Variants in GTSE1 observed in about 807,000 individuals in gnomAD.
The protein encoded by GTSE1 is G2 and S phase-expressed protein 1.
A neutral mutation model predicts 60.5 loss-of-function variants in GTSE1; 52 were observed. The ratio of observed to expected loss-of-function variants is 0.86; its 90% CI spans 0.69 to 1.08. GTSE1 has a LOEUF of 1.08. GTSE1 is among the 50% of genes least tolerant of loss of function. The pLI is 0.00. For missense variants in GTSE1, 937 were observed against 961.8 expected (o/e 0.97, Z 0.34); for synonymous variants, 368 against 386.5 (o/e 0.95, Z 0.56).
chr22:46,323,785 T>G (rs2077827890), intron 8 of GTSE1, among the ~76,000 whole-genome samples: 1 of 152,178 alleles, frequency 6.6e-6, no homozygotes, highest in Admixed American at 6.5e-5. Context: ...CCTCCCGGGT[T>G]CACGCCATTC....
At position 46,314,846 on chromosome 22, in the gene GTSE1, G is replaced by A. The variant is rs1164845089; in HGVS notation, c.1051+833G>A. On this transcript the variant is annotated intron_variant, in intron 6 of 11. Coordinates refer to ENST00000454366, the MANE Select transcript of GTSE1 (RefSeq NM_016426.7). This position sits in a 1 kb window ranked among gnomAD's most constrained non-coding sequence, Gnocchi z 7.1. ...AGCCGAGATTGCATCACTGCACTCC[G>A]TCTCAAAAAAAAAAAAAAAAATGAT... 2.2e-5 allele frequency among the ~76,000 whole-genome samples: 3 copies of A among 135,654 alleles called. No homozygotes were observed. The highest frequency in any genetic ancestry group is 9.2e-5 in the African/African-American group (3 of 32,778). The allele number at this position is 135,654 out of a possible 152,430, so 89.0% of individuals were successfully genotyped here. A position where few individuals can be genotyped will look rare whatever the true frequency, so the allele number is the denominator to read the frequency against.
chr22:46,312,312 T>C lies in GTSE1; in HGVS notation c.927+7T>C, dbSNP rs746132284. 2.5e-6 allele frequency: 4 copies of C among 1,606,210 alleles called. No individual in the cohort carries two copies. The highest frequency in any genetic ancestry group is 2.2e-5 in the South Asian group (2 of 90,152). The stretch of plus-strand genomic sequence containing the variant: ...GATCCCTGTTCCAAACAAGGTGAGT[T>C]GGCTGCTGGGGCCCAAACTTGTGGT... On this transcript the variant is annotated splice_region_variant and intron_variant, in intron 5 of 11. Transcript: ENST00000454366.
rs376081016 is a variant in GTSE1, at chr22:46,330,020, C to T, written c.2137-27C>T. ...GGGAGGCCCTAGCCGGATCCACGCT[C>T]ACCTCCTCCACTCTGCTCTCTTCCA... is the stretch of plus-strand genomic sequence containing the variant. On this transcript the variant is annotated intron_variant, in intron 11 of 11. Coordinates refer to ENST00000454366, the MANE Select transcript of GTSE1 (RefSeq NM_016426.7). This position sits in a 1 kb window ranked among gnomAD's most constrained non-coding sequence, Gnocchi z 6.0. The T allele has an allele frequency of 7.0e-6, 10 of 1,436,350 alleles. No individual in the cohort carries two copies. Among genetic ancestry groups the T allele is most frequent in the East Asian group, 6.8e-5 (3 of 44,072 alleles). The allele number at this position is 1,436,350 out of a possible 1,614,324, so 89.0% of individuals were successfully genotyped here.
rs1433032374 is a variant in GTSE1 at position 46,320,185 on chromosome 22, C to A, written c.1433-3005C>A. On this transcript the variant is annotated intron_variant, in intron 7 of 11. Coordinates refer to ENST00000454366, the MANE Select transcript of GTSE1 (RefSeq NM_016426.7). This position sits in a 1 kb window ranked among gnomAD's most constrained non-coding sequence, Gnocchi z 7.1. ...GCACAAGTGTTGGCTGGTCTCCTGG[C>A]TGTCGGGCTGCTTGATGCCACAGGA... 6.6e-6 allele frequency among the ~76,000 whole-genome samples: 1 copy of A among 152,144 alleles called. No homozygotes were observed. The highest frequency in any genetic ancestry group is 1.5e-5 in the Non-Finnish European group (1 of 68,034).
Position 46,317,385 on chromosome 22 carries a change from C to T in GTSE1, c.1432+973C>T, listed in dbSNP as rs7291302. Among the ~76,000 whole-genome samples the T allele has an allele frequency of 2.7e-3, 412 of 152,134 alleles. 2 individuals carry two copies. Among genetic ancestry groups the T allele is most frequent in the African/African-American group, 9.5e-3 (395 of 41,494 alleles). ...ACTTTGTTTCTAACATAATAGTTTC[C>T]CCTTATTTCTTCTCATGGTACTTGG... On this transcript the variant is annotated intron_variant, in intron 7 of 11. Transcript: ENST00000454366. This position sits in a 1 kb window ranked among gnomAD's most constrained non-coding sequence, Gnocchi z 5.6.
rs1013999093 is a variant in GTSE1 at position 46,324,443 on chromosome 22, T to C, written c.1505+1181T>C. 6.6e-6 allele frequency among the ~76,000 whole-genome samples: 1 copy of C among 152,054 alleles called. No individual in the cohort carries two copies. Among genetic ancestry groups the C allele is most frequent in the African/African-American group, 2.4e-5 (1 of 41,400 alleles). On this transcript the variant is annotated intron_variant, in intron 8 of 11. Coordinates refer to ENST00000454366, the MANE Select transcript of GTSE1 (RefSeq NM_016426.7). The surrounding 1 kb of genome is among the most constrained non-coding windows in gnomAD (Gnocchi z 5.2). ...AGGGCAGTGGCACGATCTCAGCTCA[T>C]GGTAAGCTCCGCCTCCTGGATTCAC...
chr22:46,316,360 A>C lies in GTSE1; in HGVS notation c.1380A>C (p.Thr460=), dbSNP rs1569043022. 10 of 1,610,516 alleles carry C rather than the reference A, an allele frequency of 6.2e-6. No homozygotes were observed. Among genetic ancestry groups the C allele is most frequent in the Non-Finnish European group, 8.5e-6 (10 of 1,176,746 alleles). ...RRRDSCLNSK[T]KVMPTPTNQF... is the part of the protein sequence containing the mutation. Reference sequence around the variant, plus strand: ...GAGATTCCTGTCTAAATTCCAAGACAAAGGTTATGCCTACTCCTACAAATC... The same window carrying C: ...GAGATTCCTGTCTAAATTCCAAGACCAAGGTTATGCCTACTCCTACAAATC... Residue 460 remains threonine (T), a synonymous_variant, in exon 7 of 12, where the codon ACA becomes ACC. Coordinates refer to ENST00000454366, the MANE Select transcript of GTSE1 (RefSeq NM_016426.7). The surrounding 1 kb of genome is among the most constrained non-coding windows in gnomAD (Gnocchi z 5.0).
rs2077666625 is a variant in GTSE1 at position 46,297,906 on chromosome 22, A to T, written c.79+427A>T. Among the ~76,000 whole-genome samples, 1 of 152,128 alleles carries T rather than the reference A, an allele frequency of 6.6e-6. No homozygotes were observed. Among genetic ancestry groups the T allele is most frequent in the South Asian group, 2.1e-4 (1 of 4,830 alleles). On this transcript the variant is annotated intron_variant, in intron 2 of 11. Transcript: ENST00000454366. The surrounding 1 kb of genome is among the most constrained non-coding windows in gnomAD (Gnocchi z 4.9). ...GGTTTGGGTATCAAGGTGAGGGTAC[A>T]GCTTCACAGAATGAGTTACAGGCCA...
In GTSE1 at chr22:46,297,547, G is replaced by T; in HGVS notation, c.79+68G>T. The T allele has an allele frequency of 9.4e-7, 1 of 1,068,206 alleles. No homozygotes were observed. 66.2% of individuals were successfully genotyped at this position (1,068,206 alleles called of 1,614,324 possible). ...CAGTAGAGATGGAGGGTGATTTAATGTTTCCCTGAGAAATTCTTTCTCAAG... is the reference window on the plus strand; with the variant it reads ...CAGTAGAGATGGAGGGTGATTTAATTTTTCCCTGAGAAATTCTTTCTCAAG... On this transcript the variant is annotated intron_variant, in intron 2 of 11. Coordinates refer to ENST00000454366, the MANE Select transcript of GTSE1 (RefSeq NM_016426.7). The surrounding 1 kb of genome is among the most constrained non-coding windows in gnomAD (Gnocchi z 4.9).
chr22:46,328,105 G>A (rs764245400), intron 9 of GTSE1, among the ~76,000 whole-genome samples: 16 of 152,238 alleles, frequency 1.1e-4, no homozygotes, highest in Non-Finnish European at 1.9e-4. Context: ...TGGGTTTCCG[G>A]AAGGAATTCA....
intron 2 of GTSE1, among the ~76,000 whole-genome samples, chr22:46,306,383 A>G (rs558619119): frequency 1.4e-3 from 212 of 151,542 alleles, no homozygotes; most frequent in African/African-American, 4.3e-3. Context: ...GGGTTTCACC[A>G]TGTTAGCCAG....
intron 8 of GTSE1, 30 bp downstream of exon 8, chr22:46,323,292 T>C: frequency 1.3e-6 from 2 of 1,540,256 alleles, no homozygotes; most frequent in Non-Finnish European, 9.0e-7. Flanking sequence ...TTCCTCTCTT[T>C]ATTGCTGTAG....
Position 46,324,624 on chromosome 22 carries a change from C to G in GTSE1, c.1505+1362C>G, listed in dbSNP as rs540098695. Among the ~76,000 whole-genome samples the G allele has an allele frequency of 1.3e-5, 2 of 152,296 alleles. No homozygotes were observed. The highest frequency in any genetic ancestry group is 4.1e-4 in the South Asian group (2 of 4,830). ...CCTCGTGATCCACCAGCCTTGGCCT[C>G]GCAAAGTGCTGGGATTACAGGTGTG... On this transcript the variant is annotated intron_variant, in intron 8 of 11. Coordinates refer to ENST00000454366, the MANE Select transcript of GTSE1 (RefSeq NM_016426.7). This position sits in a 1 kb window ranked among gnomAD's most constrained non-coding sequence, Gnocchi z 5.2.
rs1378515750 is a variant in GTSE1 at position 46,313,700 on chromosome 22, G to A, written c.928-190G>A. Among the ~76,000 whole-genome samples, 2 of 152,152 alleles carry A rather than the reference G, an allele frequency of 1.3e-5. No homozygotes were observed. Among genetic ancestry groups the A allele is most frequent in the East Asian group, 3.9e-4 (2 of 5,188 alleles). ...GTTTTTATATTTTTAGTAGAGACAA[G>A]GTTTCACCATATTGGCCAGGCTGGT... On this transcript the variant is annotated intron_variant, in intron 5 of 11. Transcript: ENST00000454366. The surrounding 1 kb of genome is among the most constrained non-coding windows in gnomAD (Gnocchi z 4.4).
At chr22:46,326,723 C>A in intron 9 of GTSE1, 69 bp downstream of exon 9, 1 of 1,080,540 alleles carries the variant, frequency 9.3e-7, no homozygotes, top group Non-Finnish European at 1.3e-6. Flanking sequence ...AGTGACATAC[C>A]TTTTTCTTGC....
In GTSE1 at chr22:46,314,148, G is replaced by A; in HGVS notation, c.1051+135G>A. 9.3e-7 allele frequency: 1 copy of A among 1,077,128 alleles called. No homozygotes were observed. Among genetic ancestry groups the A allele is most frequent in the Non-Finnish European group, 1.4e-6 (1 of 739,416 alleles). 66.7% of individuals were successfully genotyped at this position (1,077,128 alleles called of 1,614,324 possible). On this transcript the variant is annotated intron_variant, in intron 6 of 11. Coordinates refer to ENST00000454366, the MANE Select transcript of GTSE1 (RefSeq NM_016426.7). This position sits in a 1 kb window ranked among gnomAD's most constrained non-coding sequence, Gnocchi z 7.1. ...TCCCGGAGGGCGTGCTGTGTGCGGTGGACCAGGCTGTGGACTGAGTTGCTG... is the reference window on the plus strand; with the variant it reads ...TCCCGGAGGGCGTGCTGTGTGCGGTAGACCAGGCTGTGGACTGAGTTGCTG...
In GTSE1 at chr22:46,308,565, C is replaced by T. The variant is rs2077729216; in HGVS notation, c.384C>T (p.Asp128=). Residue 128 remains aspartate (D), a synonymous_variant, in exon 4 of 12, where the codon GAC becomes GAT. Transcript: ENST00000454366. ...CAGCCCAAGCTGCCAAGCCTGAAGA[C>T]CCTCGGAGCCAGGGCGTGGAAAGAT... ...NQAAQAAKPE[D]PRSQGVERFI... 6.2e-7 allele frequency: 1 copy of T among 1,614,038 alleles called. No individual in the cohort carries two copies. The highest frequency in any genetic ancestry group is 1.3e-5 in the African/African-American group (1 of 74,908).
At position 46,316,943 on chromosome 22, in the gene GTSE1, C is replaced by A. The variant is rs952589699; in HGVS notation, c.1432+531C>A. Reference sequence around the variant, plus strand: ...CTTTTTTCTTTTTCTTATCTTTTTTCTTTTCTTTCTTTCTTTTTTTTTGTT... The same window carrying A: ...CTTTTTTCTTTTTCTTATCTTTTTTATTTTCTTTCTTTCTTTTTTTTTGTT... On this transcript the variant is annotated intron_variant, in intron 7 of 11. Transcript: ENST00000454366. The surrounding 1 kb of genome is among the most constrained non-coding windows in gnomAD (Gnocchi z 5.0). Among the ~76,000 whole-genome samples the A allele has an allele frequency of 2.0e-5, 3 of 150,536 alleles. No homozygotes were observed. Among genetic ancestry groups the A allele is most frequent in the African/African-American group, 7.3e-5 (3 of 40,960 alleles).
Position 46,329,432 on chromosome 22 carries a change from TC to T in GTSE1, c.2003del (p.Pro668LeufsTer15). Reference sequence around the variant, plus strand: ...CTGCAAGCCAGCCCCTCATTGACCTTCCTCTCATCGACTTCTGCGATACCCC... The same window carrying T: ...CTGCAAGCCAGCCCCTCATTGACCTTCTCTCATCGACTTCTGCGATACCCC... ...DAASQPLIDLPLIDFCDTPEA... is the reference protein window; with the variant it reads ...DAASQPLIDLXLIDFCDTPEA... On this transcript the variant is annotated frameshift_variant, in exon 11 of 12. Coordinates refer to ENST00000454366, the MANE Select transcript of GTSE1 (RefSeq NM_016426.7). LOFTEE classifies it high-confidence loss of function. This position sits in a 1 kb window ranked among gnomAD's most constrained non-coding sequence, Gnocchi z 6.4. 4.3e-6 allele frequency: 7 copies of T among 1,614,174 alleles called. No homozygotes were observed. Among genetic ancestry groups the T allele is most frequent in the Non-Finnish European group, 5.9e-6 (7 of 1,180,014 alleles).
Sources: allele counts gnomAD v4.1 joint callset (sites outside exome capture counted in the v4.1 genomes callset), GRCh38; gene constraint gnomAD v4.1.1; non-coding constraint Gnocchi (gnomAD v3.1); transcripts MANE v1.5; gene names NCBI Gene and HGNC (gene_info 2026-07-23, HGNC 2026-07-21).